Variants in AGAP1 observed in about 807,000 individuals in gnomAD.
AGAP1 encodes the protein arf-GAP with GTPase, ANK repeat and PH domain-containing protein 1.
In AGAP1, 29 loss-of-function variants were observed where a neutral mutation model predicts 105.3. The ratio of observed to expected loss-of-function variants is 0.28; its 90% CI spans 0.21 to 0.38. The LOEUF is 0.38. Among genes scored for constraint, AGAP1 ranks in the 10% least tolerant of loss-of-function variants. The pLI is 1.00. For missense variants in AGAP1, 998 were observed against 1,165.1 expected (o/e 0.86, Z 2.09); for synonymous variants, 509 against 485.9 (o/e 1.05, Z -0.63).
chr2:236,045,414 T>C lies in AGAP1; in HGVS notation c.1892-3645T>C, dbSNP rs1042709643. Among the ~76,000 whole-genome samples, 1 of 152,220 alleles carries C rather than the reference T, an allele frequency of 6.6e-6. No individual in the cohort carries two copies. The highest frequency in any genetic ancestry group is 1.5e-5 in the Non-Finnish European group (1 of 68,040). On this transcript the variant is annotated intron_variant, in intron 15 of 17. Transcript: ENST00000304032. This position sits in a 1 kb window ranked among gnomAD's most constrained non-coding sequence, Gnocchi z 6.9. ...GTACTTCCCGTGGGGCAGTCACTGC[T>C]CTAAGTGCCTCGTAGCTTTTAATCC...
chr2:235,952,363 A>AC lies in AGAP1; in HGVS notation c.1484-16099_1484-16098insC, dbSNP rs1342836801. ...AGTTATAACATAGGTTTTAAAAAAAAAAATTTCATCAGCCAAATCCTTAAA... is the reference window on the plus strand; with the variant it reads ...AGTTATAACATAGGTTTTAAAAAAAACAAATTTCATCAGCCAAATCCTTAAA... On this transcript the variant is annotated intron_variant, in intron 12 of 17. Coordinates refer to ENST00000304032, the MANE Select transcript of AGAP1 (RefSeq NM_001037131.3). 5.3e-5 allele frequency among the ~76,000 whole-genome samples: 8 copies of AC among 152,084 alleles called. No individual in the cohort carries two copies. The East Asian group carries it at 1.5e-3, about 29-fold the overall frequency.
chr2:235,943,362 ATTT>A (rs562379887), intron 12 of AGAP1, among the ~76,000 whole-genome samples: 7 of 127,102 alleles, frequency 5.5e-5, no homozygotes, highest in African/African-American at 1.3e-4. Context: ...AAAGGACTTA[ATTT>A]TTTTTTTTTT....
chr2:235,689,434 C>T lies in AGAP1; in HGVS notation c.164-19745C>T, dbSNP rs1167337920. Among the ~76,000 whole-genome samples, 1 of 152,200 alleles carries T rather than the reference C, an allele frequency of 6.6e-6. No homozygotes were observed. Among genetic ancestry groups the T allele is most frequent in the Non-Finnish European group, 1.5e-5 (1 of 68,040 alleles). On this transcript the variant is annotated intron_variant, in intron 1 of 17. Transcript: ENST00000304032. The surrounding 1 kb of genome is among the most constrained non-coding windows in gnomAD (Gnocchi z 4.2). ...TGCACTGATTATGTTTCCATTACAC[C>T]ATAGAACATAACAATTTTGACTGCA...
chr2:235,861,181 T>A (rs1473742865), intron 9 of AGAP1, among the ~76,000 whole-genome samples: 1 of 152,276 alleles, frequency 6.6e-6, no homozygotes, highest in African/African-American at 2.4e-5. Context: ...TTGTCCTGAT[T>A]AACAATCAAC....
chr2:236,016,214 A>G (rs1209112821), intron 13 of AGAP1, among the ~76,000 whole-genome samples: 1 of 152,168 alleles, frequency 6.6e-6, no homozygotes, highest in East Asian at 1.9e-4. Context: ...AGAAATAACC[A>G]AATGAAAGAG....
chr2:235,670,093 G>T, intron 1 of AGAP1: 1 of 449,444 alleles, frequency 2.2e-6, no homozygotes. Context: ...CCCAGCGCGC[G>T]GGCGACATGT....
At chr2:235,878,939 A>G (rs899407804) in intron 9 of AGAP1, among the ~76,000 whole-genome samples, 3 of 152,168 alleles carry the variant, frequency 2.0e-5, no homozygotes, top group African/African-American at 7.2e-5. Flanking sequence ...GTGCTTTGGA[A>G]GGGGGAGCTG....
At chr2:235,762,485 C>T (rs968371200) in intron 6 of AGAP1, among the ~76,000 whole-genome samples, 10 of 152,088 alleles carry the variant, frequency 6.6e-5, no homozygotes, top group African/African-American at 1.7e-4. Context: ...AGCGTTGTGA[C>T]GAGGAGAGCG....
Position 235,751,218 on chromosome 2 carries a change from G to A in AGAP1, c.673+730G>A, listed in dbSNP as rs1335234892. 1.3e-5 allele frequency among the ~76,000 whole-genome samples: 2 copies of A among 152,154 alleles called. No individual in the cohort carries two copies. Among genetic ancestry groups the A allele is most frequent in the African/African-American group, 2.4e-5 (1 of 41,448 alleles). On this transcript the variant is annotated intron_variant, in intron 6 of 17. Transcript: ENST00000304032. The surrounding 1 kb of genome is among the most constrained non-coding windows in gnomAD (Gnocchi z 5.3). Reference sequence around the variant, plus strand: ...GTGGCGTCACCCTGGGGATAGGAGGGTCTGGGGTAAATAAGGACTGATACT... The same window carrying A: ...GTGGCGTCACCCTGGGGATAGGAGGATCTGGGGTAAATAAGGACTGATACT...
At chr2:235,506,854 G>C (rs1328135364) in intron 1 of AGAP1, 6 of 152,488 alleles carry the variant, frequency 3.9e-5, no homozygotes, top group Non-Finnish European at 8.8e-5. Context: ...TGGCAGAGCA[G>C]GTGGCATAGA....
chr2:235,825,285 C>G (rs1365056013), intron 9 of AGAP1, among the ~76,000 whole-genome samples: 1 of 152,194 alleles, frequency 6.6e-6, no homozygotes, highest in African/African-American at 2.4e-5. Flanking sequence ...AAACCGTTAT[C>G]CTTTTGAATT....
At position 236,076,482 on chromosome 2, in the gene AGAP1, C is replaced by T. The variant is rs767277966; in HGVS notation, c.2114+27201C>T. ...AGTCTTGAGAATGTTCACTTCCTGACGGCTTTGCACATGGCCCATAACAAG... is the reference window on the plus strand; with the variant it reads ...AGTCTTGAGAATGTTCACTTCCTGATGGCTTTGCACATGGCCCATAACAAG... On this transcript the variant is annotated intron_variant, in intron 16 of 17. Transcript: ENST00000304032. The surrounding 1 kb of genome is among the most constrained non-coding windows in gnomAD (Gnocchi z 4.4). 2.4e-4 allele frequency among the ~76,000 whole-genome samples: 36 copies of T among 152,070 alleles called. No homozygotes were observed. Among genetic ancestry groups the T allele is most frequent in the Non-Finnish European group, 3.5e-4 (24 of 68,000 alleles).
In AGAP1 at chr2:235,737,144, G is replaced by A. The variant is rs144069006; in HGVS notation, c.311-3819G>A. ...GCGGGACCTTTTGAAAATCTCCCCA[G>A]TAAAGACATTCTTGCTTTCATACAA... On this transcript the variant is annotated intron_variant, in intron 3 of 17. Transcript: ENST00000304032. The surrounding 1 kb of genome is among the most constrained non-coding windows in gnomAD (Gnocchi z 4.5). 2.6e-4 allele frequency among the ~76,000 whole-genome samples: 40 copies of A among 152,282 alleles called. No individual in the cohort carries two copies. Among genetic ancestry groups the A allele is most frequent in the African/African-American group, 8.7e-4 (36 of 41,554 alleles).
rs1489232268 is a variant in AGAP1, at chr2:235,931,801, A to G, written c.1483+878A>G. 6.6e-6 allele frequency among the ~76,000 whole-genome samples: 1 copy of G among 151,990 alleles called. No homozygotes were observed. The highest frequency in any genetic ancestry group is 1.5e-5 in the Non-Finnish European group (1 of 68,016). The stretch of plus-strand genomic sequence containing the variant: ...GGCTCCGCAGACGCCACCAAGCAGA[A>G]GCCTTAAAGGAAGACATCTCCAAAC... On this transcript the variant is annotated intron_variant, in intron 12 of 17. Coordinates refer to ENST00000304032, the MANE Select transcript of AGAP1 (RefSeq NM_001037131.3). The surrounding 1 kb of genome is among the most constrained non-coding windows in gnomAD (Gnocchi z 5.6).
intron 6 of AGAP1, chr2:235,783,219 T>A: frequency 2.7e-6 from 1 of 372,458 alleles, no homozygotes; most frequent in Non-Finnish European, 5.4e-6. Flanking sequence ...TTTCCTAAGG[T>A]AGTTTATAGC....
At chr2:235,686,600 T>G in intron 1 of AGAP1, among the ~76,000 whole-genome samples, 1 of 132,230 alleles carries the variant, frequency 7.6e-6, no homozygotes, top group Non-Finnish European at 1.6e-5. Flanking sequence ...TGTGTGTGTA[T>G]ATATATACGT....
intron 12 of AGAP1, among the ~76,000 whole-genome samples, chr2:235,942,689 C>G (rs974847600): frequency 1.3e-5 from 2 of 150,758 alleles, no homozygotes; most frequent in Non-Finnish European, 3.0e-5. Context: ...AAAAAAATTA[C>G]ATTTTAAAAA....
rs200114461 is a variant in AGAP1 at position 235,494,853 on chromosome 2, A to T, written c.163+4A>T. The T allele has an allele frequency of 4.7e-5, 74 of 1,562,286 alleles. 1 individual carries two copies. Among genetic ancestry groups the T allele is most frequent in the Middle Eastern group, 3.4e-4 (2 of 5,896 alleles). On this transcript the variant is annotated splice_donor_region_variant and intron_variant, in intron 1 of 17. Transcript: ENST00000304032. ...GAGCACGTCATCGCCATCGAAGGTG[A>T]GGGCCGGGCCGCCTTGGGGCCTCGG...
At chr2:235,795,151 C>G (rs1461119230) in intron 6 of AGAP1, among the ~76,000 whole-genome samples, 1 of 152,132 alleles carries the variant, frequency 6.6e-6, no homozygotes. Context: ...CTCACATAGA[C>G]ACACCAAGCT....
Sources: gnomAD v4.1 joint callset for allele counts (sites outside exome capture counted in the v4.1 genomes callset) on GRCh38, gnomAD v4.1.1 for gene constraint, Gnocchi (gnomAD v3.1) non-coding constraint, MANE v1.5 for transcripts, NCBI Gene and HGNC (gene_info 2026-07-23, HGNC 2026-07-21) for gene names.